The following DUS2 variants were observed in gnomAD, a reference collection of about 807,000 sequenced individuals.
DUS2 encodes dihydrouridine synthase 2.
DUS2 carries 52 observed loss-of-function variants against 71.3 expected under a neutral mutation model. The ratio of observed to expected loss-of-function variants is 0.73; its 90% CI spans 0.58 to 0.92. DUS2 has a LOEUF of 0.92. Ranked by LOEUF, DUS2 falls within the 40% of genes least tolerant of loss-of-function variation. The pLI, the probability that DUS2 is intolerant of heterozygous loss-of-function variation, is 0.00. For missense variants in DUS2, 558 were observed against 622.6 expected, an observed-to-expected ratio of 0.90 and a Z score of 1.10; for synonymous variants, 204 against 227.8, an observed-to-expected ratio of 0.90 and a Z score of 0.94.
At chr16:68,056,252 G>A (rs988206620) in intron 6 of DUS2, 112 bp from the exon 7 acceptor site, 1 of 849,382 alleles carries the variant, frequency 1.2e-6, no homozygotes, top group Non-Finnish European at 1.9e-6. Flanking sequence ...GTGTTTCATA[G>A]AGTCAGGGAC....
At chr16:68,067,938 G>T (rs1439493146) in intron 10 of DUS2, among the ~76,000 whole-genome samples, 1 of 152,222 alleles carries the variant, frequency 6.6e-6, no homozygotes, top group Admixed American at 6.5e-5. Flanking sequence ...GGGATTACAG[G>T]CTTGAGCCAC....
intron 4 of DUS2, among the ~76,000 whole-genome samples, chr16:68,052,981 G>A (rs1163040351): frequency 4.9e-5 from 6 of 122,684 alleles, no homozygotes; most frequent in Admixed American, 1.6e-4. Context: ...TTTTTTTTTC[G>A]AGACGGAGTC....
chr16:68,069,999 C>T lies in DUS2; in HGVS notation c.555-135C>T, dbSNP rs1249559667. The T allele has an allele frequency of 8.3e-6, 6 of 720,956 alleles. No homozygotes were observed. In the Admixed American group the frequency reaches 1.0e-4, roughly 13 times the overall value. The allele number at this position is 720,956 out of a possible 1,614,324, so 44.7% of individuals were successfully genotyped here. ...GGAGAGCCATTTCCTGCCACCTGTC[C>T]TTGATTGCCATATGGCCACCTGACC... On this transcript the variant is annotated intron_variant, in intron 10 of 16. Coordinates refer to ENST00000565263, the MANE Select transcript of DUS2 (RefSeq NM_017803.5).
At chr16:68,064,569 T>C (rs1301199127) in intron 8 of DUS2, among the ~76,000 whole-genome samples, 1 of 152,232 alleles carries the variant, frequency 6.6e-6, no homozygotes, top group Non-Finnish European at 1.5e-5. Flanking sequence ...CTTTTAGAGA[T>C]GTTGCTCTGA....
chr16:68,053,178 G>A (rs969423489), intron 4 of DUS2, among the ~76,000 whole-genome samples: 6 of 152,106 alleles, frequency 3.9e-5, no homozygotes, highest in African/African-American at 1.4e-4. Context: ...GGCCAGGCTG[G>A]TCTTGAACTC....
intron 5 of DUS2, 152 bp from the exon 6 acceptor site, chr16:68,054,422 T>C (rs1046139015): frequency 1.3e-5 from 10 of 764,576 alleles, no homozygotes; most frequent in Non-Finnish European, 2.3e-5. Flanking sequence ...AGTGAGCTAG[T>C]CTAGTGGGCT....
At chr16:68,048,293 C>G (rs1215378153) in intron 3 of DUS2, among the ~76,000 whole-genome samples, 1 of 152,288 alleles carries the variant, frequency 6.6e-6, no homozygotes. Flanking sequence ...CTAGTCCCTA[C>G]CAAAGCTCAG....
At chr16:68,054,451 C>A in intron 5 of DUS2, 123 bp from the exon 6 acceptor site, 1 of 1,112,162 alleles carries the variant, frequency 9.0e-7, no homozygotes, top group South Asian at 1.3e-5. Flanking sequence ...AAGAGAAAGC[C>A]AGCCTGACTC....
intron 10 of DUS2, 114 bp from the exon 11 acceptor site, chr16:68,070,020 T>C (rs1053435489): frequency 6.6e-6 from 6 of 903,264 alleles, no homozygotes; most frequent in Non-Finnish European, 1.1e-5. Context: ...TATGGCCACC[T>C]GACCTTCCTG....
chr16:68,034,773 G>A (rs921001605), intron 2 of DUS2, among the ~76,000 whole-genome samples: 16 of 151,936 alleles, frequency 1.1e-4, no homozygotes, highest in Non-Finnish European at 1.8e-4. Flanking sequence ...CGAGGTGGGC[G>A]GATCACGAGG....
intron 10 of DUS2, among the ~76,000 whole-genome samples, chr16:68,066,852 G>C (rs1023545847): frequency 6.6e-6 from 1 of 152,100 alleles, no homozygotes; most frequent in Non-Finnish European, 1.5e-5. Context: ...AGTGCCTATT[G>C]AGGGTAGGTA....
At chr16:68,051,599 C>T (rs948403329) in intron 4 of DUS2, among the ~76,000 whole-genome samples, 3 of 152,010 alleles carry the variant, frequency 2.0e-5, no homozygotes, top group Non-Finnish European at 4.4e-5. Flanking sequence ...GCTATGTTCC[C>T]CAGCTGGTCT....
chr16:68,046,996 C>T (rs1045463709), intron 3 of DUS2, among the ~76,000 whole-genome samples: 7 of 151,488 alleles, frequency 4.6e-5, no homozygotes, highest in African/African-American at 1.5e-4. Context: ...GTGATCCGCC[C>T]GCCTTGGCTT....
At chr16:68,039,211 A>G (rs555206449) in intron 3 of DUS2, among the ~76,000 whole-genome samples, 2 of 152,204 alleles carry the variant, frequency 1.3e-5, no homozygotes, top group East Asian at 3.9e-4. Context: ...GGCAAATTAA[A>G]AAGAGTGTAG....
At chr16:68,051,572 G>A (rs992684287) in intron 4 of DUS2, among the ~76,000 whole-genome samples, 2 of 151,856 alleles carry the variant, frequency 1.3e-5, no homozygotes, top group African/African-American at 4.8e-5. Flanking sequence ...TAAATTTTTT[G>A]TAGAGATGGG....
At chr16:68,054,527 T>A in intron 5 of DUS2, 47 bp from the exon 6 acceptor site, 1 of 1,609,376 alleles carries the variant, frequency 6.2e-7, no homozygotes, top group Non-Finnish European at 8.5e-7. Context: ...TCAGTGCATG[T>A]GTATCTGTGT....
intron 3 of DUS2, among the ~76,000 whole-genome samples, chr16:68,039,814 C>T (rs1422216573): frequency 6.6e-6 from 1 of 151,908 alleles, no homozygotes; most frequent in Non-Finnish European, 1.5e-5. Context: ...AGCTCTAGCA[C>T]ATAGACATGA....
chr16:68,028,176 A>G lies in DUS2; in HGVS notation c.-19+2682A>G, dbSNP rs535661282. ...AAGTGATAAGCCTGGAGGCAGAGAGACTGGTTTGGAGACTGTTGTCATGGT... is the reference window on the plus strand; with the variant it reads ...AAGTGATAAGCCTGGAGGCAGAGAGGCTGGTTTGGAGACTGTTGTCATGGT... On this transcript the variant is annotated intron_variant, in intron 2 of 16. Coordinates refer to ENST00000565263, the MANE Select transcript of DUS2 (RefSeq NM_017803.5). Among the ~76,000 whole-genome samples the G allele has an allele frequency of 2.6e-5, 4 of 152,174 alleles. No homozygotes were observed. In the South Asian group the frequency reaches 6.2e-4, roughly 24 times the overall value.
intron 3 of DUS2, among the ~76,000 whole-genome samples, chr16:68,046,959 C>T (rs569605075): frequency 9.2e-5 from 14 of 151,784 alleles, no homozygotes; most frequent in African/African-American, 3.1e-4. Flanking sequence ...ACTGTGTTAG[C>T]CAGGATGGTC....
Sources: allele counts gnomAD v4.1 joint callset (sites outside exome capture counted in the v4.1 genomes callset), GRCh38; gene constraint gnomAD v4.1.1; transcripts MANE v1.5; gene names NCBI Gene and HGNC (gene_info 2026-07-23, HGNC 2026-07-21).